Variants in RARB observed in about 807,000 individuals in gnomAD.
RARB encodes the protein HBV-activated protein.
RARB carries 17 observed loss-of-function variants against 51.9 expected under a neutral mutation model. The ratio of observed to expected loss-of-function variants is 0.33; its 90% confidence interval spans 0.22 to 0.49. The LOEUF (loss-of-function observed/expected upper bound fraction) is 0.49. RARB is among the 20% of genes least tolerant of loss of function. The probability of loss-of-function intolerance (pLI) is 0.99; values close to 1 mark genes in which losing one functional copy is unlikely to be tolerated. For synonymous variants in RARB, 215 were observed against 195.4 expected (o/e 1.10, Z -0.84); for missense variants, 369 against 550.8 (o/e 0.67, Z 3.30).
intron 2 of RARB, among the ~76,000 whole-genome samples, chr3:24,879,929 C>T (rs1016449727): frequency 1.3e-5 from 2 of 149,698 alleles, no homozygotes; most frequent in African/African-American, 5.0e-5. Flanking sequence ...TGAATCCCAT[C>T]TTGCAAAGTT....
rs116922919 is a variant in RARB at position 25,181,591 on chromosome 3, T to C, written c.178+7016T>C. 2.4e-3 allele frequency among the ~76,000 whole-genome samples: 362 copies of C among 152,348 alleles called. 2 individuals carry two copies. Among genetic ancestry groups the C allele is most frequent in the East Asian group, 0.02 (105 of 5,182 alleles). ...TTGCAAATAATAAAGAAGTGCCTCA[T>C]GTTCTCATGACTTTCCGATGTCCCA... On this transcript the variant is annotated intron_variant, in intron 5 of 11. Coordinates refer to the RARB transcript ENST00000383772.
At chr3:25,139,652 G>A (rs927686633) in intron 4 of RARB, among the ~76,000 whole-genome samples, 4 of 152,158 alleles carry the variant, frequency 2.6e-5, no homozygotes, top group African/African-American at 9.7e-5. Context: ...GGTACATCAA[G>A]TTACACAGAA....
chr3:25,031,990 G>GGAATAATA (rs1697886266), intron 2 of RARB, among the ~76,000 whole-genome samples: 1 of 152,092 alleles, frequency 6.6e-6, no homozygotes, highest in Admixed American at 6.6e-5. Flanking sequence ...ATTCCTCAGA[G>GGAATAATA]AGTTTGCCTT....
rs889632362 is a variant in RARB, at chr3:25,597,570, C to CTGAT, written c.*956_*959dup. On this transcript the variant is annotated 3_prime_UTR_variant, in exon 8 of 8. Transcript: ENST00000330688. ...GGACCATGTAACTCTAGTGTCCTTCCTGATTCATGCCTGATATTGGGATTT... is the reference window on the plus strand; with the variant it reads ...GGACCATGTAACTCTAGTGTCCTTCCTGATTGATTCATGCCTGATATTGGGATTT... The CTGAT allele has an allele frequency of 1.3e-5, 2 of 152,306 alleles. No homozygotes were observed. Among genetic ancestry groups the CTGAT allele is most frequent in the African/African-American group, 4.9e-5 (2 of 41,140 alleles). 9.4% of individuals were successfully genotyped at this position (152,306 alleles called of 1,614,324 possible). A position where few individuals can be genotyped will look rare whatever the true frequency, so the allele number is the denominator to read the frequency against.
At chr3:25,441,079 A>AT (rs1229050709) in intron 1 of RARB, 9 of 37,124 alleles carry the variant, frequency 2.4e-4, no homozygotes, top group Admixed American at 8.8e-4. Flanking sequence ...GGAAGAAGAA[A>AT]TTTTTTTTCG....
At chr3:24,881,908 C>G (rs1181895014) in intron 2 of RARB, among the ~76,000 whole-genome samples, 1 of 152,098 alleles carries the variant, frequency 6.6e-6, no homozygotes, top group African/African-American at 2.4e-5. Flanking sequence ...ATTAACAAAA[C>G]TAGACCAAAA....
chr3:25,378,113 C>T (rs1031692781), intron 5 of RARB, among the ~76,000 whole-genome samples: 1 of 152,164 alleles, frequency 6.6e-6, no homozygotes, highest in African/African-American at 2.4e-5. Flanking sequence ...AGCATTTGAT[C>T]TTAACAATGA....
At chr3:25,452,505 A>C (rs1709238923) in intron 1 of RARB, among the ~76,000 whole-genome samples, 1 of 152,162 alleles carries the variant, frequency 6.6e-6, no homozygotes, top group Non-Finnish European at 1.5e-5. Flanking sequence ...TCTTGAATGG[A>C]ATCAGTGTTT....
intron 3 of RARB, among the ~76,000 whole-genome samples, chr3:25,102,365 A>T (rs1699419553): frequency 6.6e-6 from 1 of 151,880 alleles, no homozygotes; most frequent in African/African-American, 2.4e-5. Context: ...ACATGGTGCA[A>T]CCCTGTCTCT....
chr3:25,410,588 A>G (rs1031117663), intron 5 of RARB, among the ~76,000 whole-genome samples: 1 of 152,200 alleles, frequency 6.6e-6, no homozygotes, highest in Non-Finnish European at 1.5e-5. Context: ...AATTTGCCTT[A>G]TAGTCCCCTA....
chr3:24,875,871 T>C (rs1410727918), intron 2 of RARB, among the ~76,000 whole-genome samples: 1 of 152,112 alleles, frequency 6.6e-6, no homozygotes, highest in African/African-American at 2.4e-5. Flanking sequence ...GTTTTTATAG[T>C]TTTCTATCAT....
At chr3:25,567,698 G>A (rs1425926433) in intron 3 of RARB, among the ~76,000 whole-genome samples, 2 of 152,100 alleles carry the variant, frequency 1.3e-5, no homozygotes, top group East Asian at 1.9e-4. Flanking sequence ...GTACCTCTGC[G>A]TATAACTTTG....
At chr3:24,999,944 A>G (rs1402450686) in intron 2 of RARB, among the ~76,000 whole-genome samples, 1 of 151,902 alleles carries the variant, frequency 6.6e-6, no homozygotes, top group African/African-American at 2.4e-5. Context: ...CAACAGCCAC[A>G]TTAATGCAAA....
At position 25,583,220 on chromosome 3, in the gene RARB, C is replaced by T. The variant is rs140288832; in HGVS notation, c.786+2498C>T. Among the ~76,000 whole-genome samples, 1,399 of 152,336 alleles carry T rather than the reference C, an allele frequency of 9.2e-3. 25 individuals carry two copies. Among genetic ancestry groups the T allele is most frequent in the African/African-American group, 0.032 (1,310 of 41,576 alleles). On this transcript the variant is annotated intron_variant, in intron 5 of 7. Coordinates refer to ENST00000330688, the MANE Select transcript of RARB (RefSeq NM_000965.5). ...TAGCAAAGGCAATTAATCACAAGAT[C>T]CTGAAAGTACGCAAGTTCAAAGAGC...
At chr3:25,152,705 A>G (rs573769995) in intron 4 of RARB, among the ~76,000 whole-genome samples, 1 of 152,346 alleles carries the variant, frequency 6.6e-6, no homozygotes, top group Non-Finnish European at 1.5e-5. Flanking sequence ...AAGGCTCTAC[A>G]TATTAGACTC....
chr3:25,271,500 T>G (rs1423826882), intron 5 of RARB, among the ~76,000 whole-genome samples: 1 of 152,200 alleles, frequency 6.6e-6, no homozygotes, highest in Non-Finnish European at 1.5e-5. Flanking sequence ...AGGTGCTTTC[T>G]GCGTTTCTGG....
At position 25,415,404 on chromosome 3, in the gene RARB, GTTTGT is replaced by G. The variant is rs200480620; in HGVS notation, c.179-45785_179-45781del. On this transcript the variant is annotated intron_variant, in intron 5 of 11. Coordinates refer to the RARB transcript ENST00000383772. ...GGGTTATGGATCTTTTATTTTTGTTGTTTGTTTTATTTGTATGCAGTATATACCTC... is the reference window on the plus strand; with the variant it reads ...GGGTTATGGATCTTTTATTTTTGTTGTTTATTTGTATGCAGTATATACCTC... Among the ~76,000 whole-genome samples, 17 of 151,838 alleles carry G rather than the reference GTTTGT, an allele frequency of 1.1e-4. No individual in the cohort carries two copies. The East Asian group carries it at 2.9e-3, about 26-fold the overall frequency.
chr3:25,221,394 C>G (rs891899904), intron 5 of RARB, among the ~76,000 whole-genome samples: 1 of 152,210 alleles, frequency 6.6e-6, no homozygotes, highest in Non-Finnish European at 1.5e-5. Context: ...ATCATTACCA[C>G]TTTTTAAAGA....
chr3:25,420,106 G>A (rs754489655), intron 5 of RARB, among the ~76,000 whole-genome samples: 7 of 152,160 alleles, frequency 4.6e-5, no homozygotes, highest in African/African-American at 1.2e-4. Context: ...GTGTGCGCGC[G>A]TGTGTGTGTA....
Sources: allele counts gnomAD v4.1 joint callset (sites outside exome capture counted in the v4.1 genomes callset), GRCh38; gene constraint gnomAD v4.1.1; transcripts MANE v1.5; gene names NCBI Gene and HGNC (gene_info 2026-07-23, HGNC 2026-07-21).